GCFC2: variants seen among roughly 807,000 people sequenced by gnomAD.
The protein encoded by GCFC2 is GC-rich sequence DNA-binding factor 2, also known as intron Large complex component GCFC2.
In GCFC2, 102 loss-of-function variants were observed where a neutral mutation model predicts 99.4. The ratio of observed to expected loss-of-function variants is 1.03; its 90% CI spans 0.87 to 1.21. GCFC2 has a LOEUF of 1.21. Among genes scored for constraint, GCFC2 ranks in the 50% most tolerant of loss-of-function variants. The pLI is 0.00. For synonymous variants in GCFC2, 338 were observed against 316.8 expected (o/e 1.07, Z -0.71); for missense variants, 973 against 920.9 (o/e 1.06, Z -0.73).
rs1679108315 is a variant in GCFC2, at chr2:75,671,968, CTG to C, written c.1936_1937del (p.Gln646ValfsTer21). The C allele has an allele frequency of 6.3e-7, 1 of 1,589,056 alleles. No individual in the cohort carries two copies. Among genetic ancestry groups the C allele is most frequent in the Admixed American group, 1.7e-5 (1 of 59,806 alleles). The stretch of plus-strand genomic sequence containing the variant: ...TGCTCACCTTTAGGCCTGACCAGAA[CTG>C]TCTTTCTTGGAACTTTGAATGAGGT... Reference protein sequence around the residue: ...TSPHSKFQERQFWSGLKLFRN... With the variant: ...TSPHSKFQERXFWSGLKLFRN... On this transcript the variant is annotated frameshift_variant, in exon 14 of 17. Coordinates refer to ENST00000321027, the MANE Select transcript of GCFC2 (RefSeq NM_003203.5). LOFTEE classifies it high-confidence loss of function.
intron 14 of GCFC2, among the ~76,000 whole-genome samples, chr2:75,671,570 G>T (rs1202814012): frequency 6.6e-6 from 1 of 152,138 alleles, no homozygotes; most frequent in Non-Finnish European, 1.5e-5. Context: ...TAAGGCCAGG[G>T]GTTAGCCAAC....
intron 11 of GCFC2, among the ~76,000 whole-genome samples, chr2:75,683,771 C>CAGAAAAAA (rs1679683427): frequency 1.7e-5 from 1 of 60,424 alleles, no homozygotes; most frequent in African/African-American, 6.5e-5. Flanking sequence ...AAATGGAAAG[C>CAGAAAAAA]AAAAAAAAAA....
At chr2:75,666,322 G>C (rs1678834647) in intron 15 of GCFC2, among the ~76,000 whole-genome samples, 1 of 152,064 alleles carries the variant, frequency 6.6e-6, no homozygotes. Flanking sequence ...GTATTTGTGA[G>C]TCATTAAATC....
chr2:75,683,420 G>A (rs1477771144), intron 11 of GCFC2, among the ~76,000 whole-genome samples: 3 of 151,074 alleles, frequency 2.0e-5, no homozygotes, highest in African/African-American at 2.5e-5. Context: ...CACCAGGCCT[G>A]CCTTACAAGA....
Position 75,663,392 on chromosome 2 carries a change from G to A in GCFC2, c.*1274C>T, listed in dbSNP as rs1000136704. 9 of 152,060 alleles carry A rather than the reference G, an allele frequency of 5.9e-5. No individual in the cohort carries two copies. Among genetic ancestry groups the A allele is most frequent in the African/African-American group, 1.9e-4 (8 of 41,468 alleles). The allele number at this position is 152,060 out of a possible 1,614,324, so 9.4% of individuals were successfully genotyped here. A position where few individuals can be genotyped will look rare whatever the true frequency, so the allele number is the denominator to read the frequency against. On this transcript the variant is annotated 3_prime_UTR_variant, in exon 17 of 17. Coordinates refer to ENST00000321027, the MANE Select transcript of GCFC2 (RefSeq NM_003203.5). Reference sequence around the variant, plus strand: ...TTGGAAAATTTTCTTAATTTCTTTTGATTAAATTATCTTGCCTCTGTTTTA... The same window carrying A: ...TTGGAAAATTTTCTTAATTTCTTTTAATTAAATTATCTTGCCTCTGTTTTA...
At chr2:75,699,579 CATTT>C (rs547889562) in intron 4 of GCFC2, among the ~76,000 whole-genome samples, 84 of 152,048 alleles carry the variant, frequency 5.5e-4, no homozygotes, top group Admixed American at 1.8e-3. Context: ...TTCATTCATT[CATTT>C]ATTTATTTTT....
At chr2:75,712,825 C>T (rs950024938), upstream of GCFC2, among the ~76,000 whole-genome samples, 5 of 152,094 alleles carry the variant, frequency 3.3e-5, no homozygotes, top group African/African-American at 7.2e-5. Flanking sequence ...CGCGAGGGTC[C>T]GCAGCTTCAT....
chr2:75,706,630 G>C lies in GCFC2; in HGVS notation c.287C>G (p.Ser96Cys). The change falls in exon 2 of 17, where the codon TCC (serine) becomes TGC (cysteine). Residue 96 changes from serine (S) to cysteine (C), a missense_variant. Transcript: ENST00000321027. ...ATGTATTTTATCCTCTTCATCTGTG[G>C]ACACATCAAGGGTTCTGGATTCTAA... ...EGSESRTLDV[S>C]TDEEDKIHHS... is the part of the protein sequence containing the mutation. 6.3e-7 allele frequency: 1 copy of C among 1,590,476 alleles called. No individual in the cohort carries two copies. Among genetic ancestry groups the C allele is most frequent in the African/African-American group, 1.3e-5 (1 of 74,502 alleles).
In GCFC2 at chr2:75,662,770, G is replaced by GAACTT. The variant is rs1678659330; in HGVS notation, c.*1891_*1895dup. On this transcript the variant is annotated 3_prime_UTR_variant, in exon 17 of 17. Transcript: ENST00000321027. ...AAAAAGGTAGGAAAGTTTCTGTGCT[G>GAACTT]AACTTAAATATATAAAGGAACACGT... The GAACTT allele has an allele frequency of 6.6e-6, 1 of 151,900 alleles. No individual in the cohort carries two copies. The highest frequency in any genetic ancestry group is 1.5e-5 in the Non-Finnish European group (1 of 67,950). 9.4% of individuals were successfully genotyped at this position (151,900 alleles called of 1,614,324 possible). A position where few individuals can be genotyped will look rare whatever the true frequency, so the allele number is the denominator to read the frequency against.
intron 11 of GCFC2, among the ~76,000 whole-genome samples, chr2:75,684,534 C>G (rs1368075973): frequency 2.6e-5 from 4 of 152,134 alleles, no homozygotes; most frequent in African/African-American, 9.7e-5. Context: ...CAGGAAAGAT[C>G]TAAAATCGAC....
intron 16 of GCFC2, among the ~76,000 whole-genome samples, chr2:75,665,133 G>A (rs1279962015): frequency 1.3e-5 from 2 of 151,860 alleles, no homozygotes; most frequent in South Asian, 2.1e-4. Context: ...CATGACATTA[G>A]CAAATAATAC....
intron 4 of GCFC2, among the ~76,000 whole-genome samples, chr2:75,696,716 C>T (rs1291648889): frequency 1.3e-5 from 2 of 152,136 alleles, no homozygotes; most frequent in African/African-American, 4.8e-5. Flanking sequence ...CAACTCCATT[C>T]TAGTCAATGA....
Position 75,674,898 on chromosome 2 carries a change from C to T in GCFC2, c.1813-1378G>A, listed in dbSNP as rs537995195. ...ATTAAAACTCAGTTGTATTTTACTC[C>T]ATTCTTTAAACATTCTGAATTCTGT... is the stretch of plus-strand genomic sequence containing the variant. On this transcript the variant is annotated intron_variant, in intron 12 of 16. Transcript: ENST00000321027. Among the ~76,000 whole-genome samples, 129 of 152,206 alleles carry T rather than the reference C, an allele frequency of 8.5e-4. No individual in the cohort carries two copies. The Middle Eastern group carries it at 0.01, about 12-fold the overall frequency.
At position 75,664,471 on chromosome 2, in the gene GCFC2, A is replaced by G. The variant is rs545113342; in HGVS notation, c.*195T>C. 1 of 369,704 alleles carries G rather than the reference A, an allele frequency of 2.7e-6. No homozygotes were observed. Among genetic ancestry groups the G allele is most frequent in the Non-Finnish European group, 4.8e-6 (1 of 206,270 alleles). The allele number at this position is 369,704 out of a possible 1,614,324, so 22.9% of individuals were successfully genotyped here. ...GCTCCAGTGCATTTAATTCCTTAGAACACCACAGAATCATGGCAGCTTTTC... is the reference window on the plus strand; with the variant it reads ...GCTCCAGTGCATTTAATTCCTTAGAGCACCACAGAATCATGGCAGCTTTTC... On this transcript the variant is annotated 3_prime_UTR_variant, in exon 17 of 17. Transcript: ENST00000321027.
At chr2:75,680,903 C>T (rs1679545231) in intron 11 of GCFC2, among the ~76,000 whole-genome samples, 1 of 152,188 alleles carries the variant, frequency 6.6e-6, no homozygotes, top group Non-Finnish European at 1.5e-5. Flanking sequence ...TGCCGATATG[C>T]TCTAACTTGT....
At position 75,680,221 on chromosome 2, in the gene GCFC2, CA is replaced by C; in HGVS notation, c.1783del (p.Cys595ValfsTer20). 1 of 1,607,106 alleles carries C rather than the reference CA, an allele frequency of 6.2e-7. No individual in the cohort carries two copies. On this transcript the variant is annotated frameshift_variant, in exon 12 of 17. Coordinates refer to ENST00000321027, the MANE Select transcript of GCFC2 (RefSeq NM_003203.5). LOFTEE classifies it high-confidence loss of function. Reference sequence around the variant, plus strand: ...TCTGCTTTTACTAACTTCATTTTCACAAGTGGAATGTTCTTCAAGAATCACT... The same window carrying C: ...TCTGCTTTTACTAACTTCATTTTCACAGTGGAATGTTCTTCAAGAATCACT... ...CRVILEEHST[C>X]ENEVSKSRQD...
In GCFC2 at chr2:75,690,056, G is replaced by T. The variant is rs762015066; in HGVS notation, c.1252C>A (p.Leu418Ile). 2 of 1,605,198 alleles carry T rather than the reference G, an allele frequency of 1.2e-6. No individual in the cohort carries two copies. The highest frequency in any genetic ancestry group is 8.5e-7 in the Non-Finnish European group (1 of 1,174,532). The change falls in exon 9 of 17, where the codon CTT becomes ATT. Residue 418 changes from leucine to isoleucine, a missense_variant. Transcript: ENST00000321027. ...TCCTGATGGTTACAATTCCCAGAAA[G>T]CACCCTTGCTTGTCTTCTTTTTGTC... Reference protein sequence around the residue: ...RRTKRRQARVLSGNCNHQEGT... With the variant: ...RRTKRRQARVISGNCNHQEGT...
chr2:75,665,777 C>G, intron 16 of GCFC2, 152 bp downstream of exon 16: 1 of 482,412 alleles, frequency 2.1e-6, no homozygotes. Flanking sequence ...CATAAGCCAT[C>G]CCAAAGGTAA....
At chr2:75,711,276 G>C (rs1280311140), upstream of GCFC2, 3 of 925,198 alleles carry the variant, frequency 3.2e-6, no homozygotes, top group African/African-American at 3.6e-5. Context: ...CTCCAACCAA[G>C]ATTTAAAACA....
Sources: allele counts gnomAD v4.1 joint callset (sites outside exome capture counted in the v4.1 genomes callset), GRCh38; gene constraint gnomAD v4.1.1; transcripts MANE v1.5; gene names NCBI Gene and HGNC (gene_info 2026-07-23, HGNC 2026-07-21).